The following PDGFC variants were observed in gnomAD, a reference collection of about 807,000 sequenced individuals.
PDGFC encodes the protein platelet derived growth factor C, also known as platelet-derived growth factor C.
In PDGFC, 12 loss-of-function variants were observed where a neutral mutation model predicts 35.5. The ratio of observed to expected loss-of-function variants is 0.34; its 90% CI spans 0.22 to 0.55. The LOEUF (loss-of-function observed/expected upper bound fraction) is 0.55, where lower values mean the gene tolerates loss of function less well. PDGFC is among the 20% of genes least tolerant of loss of function. The pLI, the probability that PDGFC is intolerant of heterozygous loss-of-function variation, is 0.91. For missense variants in PDGFC, 322 were observed against 412.4 expected (o/e 0.78, Z 1.90); for synonymous variants, 159 against 148.8 (o/e 1.07, Z -0.50).
rs565531965 is a variant in PDGFC at position 156,825,551 on chromosome 4, AAATAATAATAATAAT to A, written c.315-14549_315-14535del. Among the ~76,000 whole-genome samples the A allele has an allele frequency of 2.6e-3, 240 of 93,918 alleles. 4 individuals are homozygous for A. Among genetic ancestry groups the A allele is most frequent in the South Asian group, 0.021 (51 of 2,440 alleles). The allele number at this position is 93,918 out of a possible 152,430, so 61.6% of individuals were successfully genotyped here. ...TCTGACAGAGCAACACCCTGTCTCC[AAATAATAATAATAAT>A]AATAATAATAATAATAATAATAATA... On this transcript the variant is annotated intron_variant, in intron 2 of 5. Transcript: ENST00000502773.
intron 2 of PDGFC, among the ~76,000 whole-genome samples, chr4:156,811,352 T>C (rs1443175126): frequency 6.6e-6 from 1 of 152,128 alleles, no homozygotes; most frequent in African/African-American, 2.4e-5. Context: ...CATTTGGACA[T>C]GACAGTGTGA....
Position 156,809,674 on chromosome 4 carries a change from G to A in PDGFC, c.495+1163C>T, listed in dbSNP as rs547494506. Among the ~76,000 whole-genome samples the A allele has an allele frequency of 2.7e-5, 4 of 150,704 alleles. No individual in the cohort carries two copies. The South Asian group carries it at 8.4e-4, about 32-fold the overall frequency. ...TGATTTAATCCATATAACTCCTTGG[G>A]TTATACAACCAGATAATCTATGTAG... On this transcript the variant is annotated intron_variant, in intron 3 of 5. Transcript: ENST00000502773.
At chr4:156,867,840 T>C (rs1729882432) in intron 1 of PDGFC, among the ~76,000 whole-genome samples, 4 of 152,032 alleles carry the variant, frequency 2.6e-5, no homozygotes, top group Admixed American at 2.6e-4. Flanking sequence ...AAAGAAAAAA[T>C]GTGGAAGTTA....
chr4:156,913,725 G>T (rs1731095395), intron 1 of PDGFC, among the ~76,000 whole-genome samples: 2 of 152,112 alleles, frequency 1.3e-5, no homozygotes, highest in African/African-American at 4.8e-5. Flanking sequence ...GATATGAAGT[G>T]CCTCTCCTCT....
intron 1 of PDGFC, among the ~76,000 whole-genome samples, chr4:156,956,981 A>G (rs1347588303): frequency 1.3e-5 from 2 of 152,014 alleles, no homozygotes; most frequent in Admixed American, 6.6e-5. Flanking sequence ...TTCAAGAAAA[A>G]TGGCGAGAAG....
At chr4:156,810,691 G>GT (rs1380604131) in intron 3 of PDGFC, 146 bp downstream of exon 3, 1 of 603,996 alleles carries the variant, frequency 1.7e-6, no homozygotes, top group African/African-American at 1.9e-5. Context: ...GGCTTGGCAT[G>GT]TAAGAGTTTT....
chr4:156,924,176 C>A (rs540064373), intron 1 of PDGFC, among the ~76,000 whole-genome samples: 1 of 152,130 alleles, frequency 6.6e-6, no homozygotes, highest in South Asian at 2.1e-4. Context: ...CAAAGCGCTC[C>A]ATATAAAAGT....
chr4:156,900,013 G>C (rs1438776210), intron 1 of PDGFC, among the ~76,000 whole-genome samples: 1 of 152,064 alleles, frequency 6.6e-6, no homozygotes, highest in Non-Finnish European at 1.5e-5. Flanking sequence ...CTAAGATCAT[G>C]ACCTGCATCT....
intron 3 of PDGFC, among the ~76,000 whole-genome samples, chr4:156,777,860 C>G (rs2110835461): frequency 6.6e-6 from 1 of 152,206 alleles, no homozygotes; most frequent in Non-Finnish European, 1.5e-5. Flanking sequence ...CCCAGCACTT[C>G]CCGAAGCCAA....
chr4:156,928,985 A>T (rs887674568), intron 1 of PDGFC, among the ~76,000 whole-genome samples: 18 of 152,334 alleles, frequency 1.2e-4, no homozygotes, highest in Non-Finnish European at 2.5e-4. Flanking sequence ...AATGATAAAG[A>T]GTATGCATGA....
chr4:156,785,115 G>A (rs572457761), intron 3 of PDGFC, among the ~76,000 whole-genome samples: 2 of 152,220 alleles, frequency 1.3e-5, no homozygotes, highest in African/African-American at 4.8e-5. Context: ...GATTGCCACT[G>A]TGATATAAAC....
At chr4:156,880,599 T>G (rs1730218252) in intron 1 of PDGFC, among the ~76,000 whole-genome samples, 1 of 152,194 alleles carries the variant, frequency 6.6e-6, no homozygotes, top group African/African-American at 2.4e-5. Context: ...ATTTGAAGTT[T>G]CAAGTCTTAT....
chr4:156,950,775 T>C (rs1732061806), intron 1 of PDGFC, among the ~76,000 whole-genome samples: 1 of 151,824 alleles, frequency 6.6e-6, no homozygotes, highest in Non-Finnish European at 1.5e-5. Context: ...ATGTTTATAA[T>C]TGTTGAATTG....
intron 1 of PDGFC, among the ~76,000 whole-genome samples, chr4:156,918,437 T>TA (rs1731199179): frequency 1.3e-5 from 2 of 152,194 alleles, no homozygotes; most frequent in South Asian, 4.1e-4. Context: ...CCATAGACGA[T>TA]GTCCCTTAAA....
At chr4:156,893,034 C>G (rs1035826603) in intron 1 of PDGFC, among the ~76,000 whole-genome samples, 1 of 152,154 alleles carries the variant, frequency 6.6e-6, no homozygotes, top group Non-Finnish European at 1.5e-5. Context: ...CAAGTCTTAA[C>G]CAGGACCTTA....
At chr4:156,796,482 C>A (rs1259524564) in intron 3 of PDGFC, among the ~76,000 whole-genome samples, 1 of 144,748 alleles carries the variant, frequency 6.9e-6, no homozygotes, top group Non-Finnish European at 1.5e-5. Flanking sequence ...GTATACAGGA[C>A]CACTTTGTAT....
At chr4:156,851,815 C>T (rs1462765640) in intron 1 of PDGFC, among the ~76,000 whole-genome samples, 1 of 151,382 alleles carries the variant, frequency 6.6e-6, no homozygotes, top group African/African-American at 2.4e-5. Context: ...CCTGTAGTCC[C>T]TGCTACTCCG....
intron 3 of PDGFC, among the ~76,000 whole-genome samples, chr4:156,777,892 TTAG>T (rs1483111626): frequency 6.6e-6 from 1 of 152,008 alleles, no homozygotes; most frequent in Non-Finnish European, 1.5e-5. Flanking sequence ...CACTTGAGGT[TTAG>T]AAGTTCAAGA....
rs1464530750 is a variant in PDGFC, at chr4:156,813,954, T to C, written c.315-2937A>G. Among the ~76,000 whole-genome samples the C allele has an allele frequency of 2.0e-5, 3 of 152,238 alleles. No individual in the cohort carries two copies. In the East Asian group the frequency reaches 5.8e-4, roughly 29 times the overall value. On this transcript the variant is annotated intron_variant, in intron 2 of 5. Transcript: ENST00000502773. ...AGATATCTTTGCTTACTTTACTGTCTTATCCTGAGCACCTACACCCCAGGC... is the reference window on the plus strand; with the variant it reads ...AGATATCTTTGCTTACTTTACTGTCCTATCCTGAGCACCTACACCCCAGGC...
Sources: gnomAD v4.1 joint callset for allele counts (sites outside exome capture counted in the v4.1 genomes callset) on GRCh38, gnomAD v4.1.1 for gene constraint, MANE v1.5 for transcripts, NCBI Gene and HGNC (gene_info 2026-07-23, HGNC 2026-07-21) for gene names.